SOX6: variants seen among roughly 807,000 people sequenced by gnomAD.
SOX6 encodes the protein SRY-box transcription factor 6, also known as transcription factor SOX-6.
SOX6 carries 11 observed loss-of-function variants against 97.8 expected under a neutral mutation model. The ratio of observed to expected loss-of-function variants is 0.11; its 90% CI spans 0.07 to 0.19. The LOEUF (loss-of-function observed/expected upper bound fraction) is 0.19. SOX6 is among the 10% of genes least tolerant of loss of function. The pLI is 1.00. For missense variants in SOX6, 810 were observed against 1,039.5 expected (o/e 0.78, Z 3.04); for synonymous variants, 360 against 371.4 (o/e 0.97, Z 0.35).
intron 1 of SOX6, among the ~76,000 whole-genome samples, chr11:16,468,351 AG>A (rs2133113165): frequency 6.6e-6 from 1 of 152,312 alleles, no homozygotes; most frequent in East Asian, 1.9e-4. Context: ...TAGTTTGCCT[AG>A]TTGCCAAAAG....
intron 4 of SOX6, among the ~76,000 whole-genome samples, chr11:16,571,891 GACCCACC>G (rs1463015155): frequency 1.3e-5 from 2 of 152,154 alleles, no homozygotes; most frequent in Non-Finnish European, 2.9e-5. Context: ...GACCTCAAGT[GACCCACC>G]CACTTTGGCC....
chr11:16,668,883 A>G (rs1005122037), intron 3 of SOX6, among the ~76,000 whole-genome samples: 1 of 152,244 alleles, frequency 6.6e-6, no homozygotes, highest in Non-Finnish European at 1.5e-5. Flanking sequence ...GAGCACCCAG[A>G]TATATAAAGC....
At chr11:16,526,575 T>C (rs1002203037) in intron 4 of SOX6, among the ~76,000 whole-genome samples, 10 of 152,016 alleles carry the variant, frequency 6.6e-5, no homozygotes, top group African/African-American at 2.4e-4. Flanking sequence ...ATGGCACATG[T>C]ATACATATGT....
At chr11:16,725,205 T>C (rs1244945633) in intron 2 of SOX6, among the ~76,000 whole-genome samples, 1 of 152,178 alleles carries the variant, frequency 6.6e-6, no homozygotes, top group Non-Finnish European at 1.5e-5. Context: ...TACTGATACA[T>C]TCAACAATAT....
intron 4 of SOX6, among the ~76,000 whole-genome samples, chr11:16,515,198 T>G (rs1232761439): frequency 6.6e-6 from 1 of 152,004 alleles, no homozygotes; most frequent in African/African-American, 2.4e-5. Flanking sequence ...CCACATCCTC[T>G]CCAGCACCTG....
At chr11:16,393,255 C>G (rs1858239046) in intron 1 of SOX6, among the ~76,000 whole-genome samples, 1 of 151,988 alleles carries the variant, frequency 6.6e-6, no homozygotes, top group Non-Finnish European at 1.5e-5. Context: ...GAAGCTTTCG[C>G]CAATGAGCCC....
At chr11:16,577,490 G>A (rs899176924) in intron 4 of SOX6, among the ~76,000 whole-genome samples, 6 of 152,076 alleles carry the variant, frequency 3.9e-5, no homozygotes, top group Non-Finnish European at 7.4e-5. Context: ...TTGAGAAACT[G>A]ATACTGGTTT....
At chr11:16,455,058 A>C (rs527833154) in intron 1 of SOX6, among the ~76,000 whole-genome samples, 2 of 152,178 alleles carry the variant, frequency 1.3e-5, no homozygotes, top group South Asian at 4.1e-4. Flanking sequence ...TTAACCCCAC[A>C]TATTTATCAT....
chr11:16,116,783 T>C (rs952919990), intron 6 of SOX6, among the ~76,000 whole-genome samples: 7 of 151,892 alleles, frequency 4.6e-5, no homozygotes, highest in African/African-American at 1.7e-4. Flanking sequence ...AAGCAAGTAT[T>C]ACCGCCTGAG....
chr11:16,169,207 C>T (rs1850967263), intron 6 of SOX6, among the ~76,000 whole-genome samples: 1 of 152,034 alleles, frequency 6.6e-6, no homozygotes, highest in South Asian at 2.1e-4. Flanking sequence ...ATAGATAATG[C>T]TTCTTTGTAA....
chr11:16,039,763 A>G (rs906256196), intron 12 of SOX6, among the ~76,000 whole-genome samples: 5 of 152,068 alleles, frequency 3.3e-5, no homozygotes, highest in Middle Eastern at 3.2e-3. Flanking sequence ...TTGATTTGTT[A>G]TTGTTATCTT....
intron 3 of SOX6, among the ~76,000 whole-genome samples, chr11:16,638,353 C>T (rs952563312): frequency 6.6e-6 from 1 of 152,028 alleles, no homozygotes; most frequent in African/African-American, 2.4e-5. Context: ...GTGAATAGTG[C>T]CGCAATAAAC....
chr11:16,153,686 CA>C (rs1850520560), intron 6 of SOX6, among the ~76,000 whole-genome samples: 3 of 152,202 alleles, frequency 2.0e-5, no homozygotes, highest in African/African-American at 7.2e-5. Context: ...TCTCCCTGCC[CA>C]AAACCATGCT....
intron 2 of SOX6, among the ~76,000 whole-genome samples, chr11:16,329,757 T>C (rs945159152): frequency 2.6e-5 from 4 of 152,220 alleles, no homozygotes; most frequent in African/African-American, 4.8e-5. Flanking sequence ...TACAATTTCC[T>C]TGACAAGTGA....
At chr11:16,495,619 C>A (rs1298907004) in intron 4 of SOX6, among the ~76,000 whole-genome samples, 1 of 152,220 alleles carries the variant, frequency 6.6e-6, no homozygotes, top group African/African-American at 2.4e-5. Context: ...ACTGCCAACA[C>A]AAGCACAGAT....
chr11:16,468,006 T>A (rs907178716), intron 1 of SOX6, among the ~76,000 whole-genome samples: 3 of 152,224 alleles, frequency 2.0e-5, no homozygotes. Flanking sequence ...TGGAAGATGA[T>A]TAAGCTTATC....
At chr11:16,410,076 C>A (rs903100705) in intron 1 of SOX6, among the ~76,000 whole-genome samples, 1 of 152,018 alleles carries the variant, frequency 6.6e-6, no homozygotes, top group African/African-American at 2.4e-5. Flanking sequence ...AGGAGGAACA[C>A]ATGGTAAGTA....
chr11:16,386,761 G>A (rs1030718748), intron 1 of SOX6, among the ~76,000 whole-genome samples: 1 of 151,896 alleles, frequency 6.6e-6, no homozygotes, highest in Non-Finnish European at 1.5e-5. Flanking sequence ...ATCCCAAACC[G>A]AATTAGGTCT....
chr11:16,661,829 G>A (rs1847768246), intron 3 of SOX6, among the ~76,000 whole-genome samples: 1 of 152,076 alleles, frequency 6.6e-6, no homozygotes, highest in Non-Finnish European at 1.5e-5. Flanking sequence ...GGAGACTCTA[G>A]GGATTACAGG....
Sources: allele counts gnomAD v4.1 joint callset (sites outside exome capture counted in the v4.1 genomes callset), GRCh38; gene constraint gnomAD v4.1.1; transcripts MANE v1.5; gene names NCBI Gene and HGNC (gene_info 2026-07-23, HGNC 2026-07-21).